ENTPD5: variants seen among roughly 807,000 people sequenced by gnomAD.
ENTPD5 encodes ectonucleoside triphosphate diphosphohydrolase 5 (inactive).
ENTPD5 carries 49 observed loss-of-function variants against 60.2 expected under a neutral mutation model. The observed-to-expected ratio is 0.81, with a 90% CI of 0.65 to 1.03. ENTPD5 has a LOEUF of 1.03. Ranked by LOEUF, ENTPD5 falls within the 50% of genes least tolerant of loss-of-function variation. ENTPD5 has a pLI of 0.00. For missense variants in ENTPD5, 480 were observed against 507.6 expected (o/e 0.95, Z 0.52); for synonymous variants, 187 against 185.4 (o/e 1.01, Z -0.07).
intron 6 of ENTPD5, 135 bp downstream of exon 6, chr14:73,982,883 G>A: frequency 2.4e-6 from 2 of 817,270 alleles, no homozygotes; most frequent in Non-Finnish European, 3.9e-6. Flanking sequence ...TATAACAAGT[G>A]GTCAGAGTCA....
At chr14:73,991,641 T>C (rs962082858) in intron 3 of ENTPD5, among the ~76,000 whole-genome samples, 8 of 139,456 alleles carry the variant, frequency 5.7e-5, no homozygotes, top group Non-Finnish European at 1.2e-4. Context: ...TAGGGCTTGA[T>C]GTGGGCGCTG....
At chr14:73,957,102 T>A (rs937874988), downstream of ENTPD5, among the ~76,000 whole-genome samples, 9 of 118,446 alleles carry the variant, frequency 7.6e-5, no homozygotes, top group African/African-American at 2.1e-4. Context: ...ATTATTATTA[T>A]TTTTTTTTTT....
chr14:73,957,202 A>G (rs1328805474), downstream of ENTPD5, among the ~76,000 whole-genome samples: 1 of 151,600 alleles, frequency 6.6e-6, no homozygotes, highest in Non-Finnish European at 1.5e-5. Flanking sequence ...GGTTCACACC[A>G]TTCTCCTGCC....
At chr14:73,983,672 A>C (rs2057783761) in intron 5 of ENTPD5, among the ~76,000 whole-genome samples, 1 of 141,842 alleles carries the variant, frequency 7.1e-6, no homozygotes, top group East Asian at 2.3e-4. Context: ...AGTCCTAATA[A>C]AAAATTATTA....
chr14:73,993,288 G>C (rs772519223), intron 3 of ENTPD5, among the ~76,000 whole-genome samples: 10 of 152,152 alleles, frequency 6.6e-5, no homozygotes, highest in Non-Finnish European at 1.5e-4. Context: ...AGTGAGCTGT[G>C]ACTGCACTAC....
downstream of ENTPD5, among the ~76,000 whole-genome samples, chr14:73,957,094 TA>T (rs1419486141): frequency 7.7e-6 from 1 of 129,430 alleles, no homozygotes; most frequent in African/African-American, 2.6e-5. Context: ...TTATTATTAT[TA>T]TTATTATTTT....
intron 3 of ENTPD5, among the ~76,000 whole-genome samples, chr14:73,989,984 G>T (rs948141512): frequency 3.9e-5 from 6 of 151,948 alleles, no homozygotes; most frequent in Non-Finnish European, 8.8e-5. Flanking sequence ...TCCAGCTTGG[G>T]CAACAGAGCA....
chr14:73,960,933 A>G (rs912467159), downstream of ENTPD5: 4 of 602,780 alleles, frequency 6.6e-6, no homozygotes, highest in Non-Finnish European at 8.9e-6. Flanking sequence ...GACTAGTGAA[A>G]GGTGAAGCTC....
downstream of ENTPD5, chr14:73,958,822 C>A: frequency 6.5e-7 from 1 of 1,533,306 alleles, no homozygotes; most frequent in Non-Finnish European, 8.8e-7. Flanking sequence ...AGGGGCTCCA[C>A]CTCTAGGGGC....
chr14:73,986,069 C>CAAAAAAAA (rs534512335), intron 5 of ENTPD5, among the ~76,000 whole-genome samples: 3 of 79,302 alleles, frequency 3.8e-5, no homozygotes, highest in Non-Finnish European at 5.4e-5. Flanking sequence ...GATACTCCGT[C>CAAAAAAAA]AAAAAAAAAA....
chr14:73,976,514 C>A, intron 8 of ENTPD5, 102 bp from the exon 9 acceptor site: 2 of 831,268 alleles, frequency 2.4e-6, no homozygotes, highest in East Asian at 2.5e-5. Context: ...CATACATACT[C>A]CACTGCTCCC....
chr14:73,958,008 CATTA>C, downstream of ENTPD5: 1 of 766,124 alleles, frequency 1.3e-6, no homozygotes, highest in South Asian at 1.4e-5. Context: ...CAGACCACAG[CATTA>C]ATTACTGATT....
At chr14:73,971,054 AG>A (rs1566710846) in intron 14 of ENTPD5, among the ~76,000 whole-genome samples, 1 of 152,058 alleles carries the variant, frequency 6.6e-6, no homozygotes, top group Non-Finnish European at 1.5e-5. Flanking sequence ...TTTGATGCTT[AG>A]TGTTTCATTA....
intron 15 of ENTPD5, among the ~76,000 whole-genome samples, chr14:73,967,996 T>C (rs556676148): frequency 6.9e-4 from 104 of 151,036 alleles, no homozygotes; most frequent in Non-Finnish European, 1.3e-3. Flanking sequence ...TGGTGGCGCA[T>C]GCCTGTAATC....
chr14:73,959,547 T>C, downstream of ENTPD5: 5 of 1,613,834 alleles, frequency 3.1e-6, no homozygotes, highest in Non-Finnish European at 3.4e-6. Flanking sequence ...ACCCAGCTGA[T>C]GATGTGCTGC....
chr14:73,986,019 C>T (rs921624096), intron 5 of ENTPD5, among the ~76,000 whole-genome samples: 1 of 150,260 alleles, frequency 6.7e-6, no homozygotes, highest in African/African-American at 2.5e-5. Context: ...TTGTAGTAAG[C>T]CGAGATCAGG....
chr14:74,004,093 A>G (rs1405013374), intron 3 of ENTPD5, among the ~76,000 whole-genome samples: 2 of 152,204 alleles, frequency 1.3e-5, no homozygotes, highest in African/African-American at 2.4e-5. Context: ...TGACAGAGCA[A>G]GACCCTGTCT....
At chr14:73,976,599 T>G (rs1218139619) in intron 8 of ENTPD5, among the ~76,000 whole-genome samples, 187 bp from the exon 9 acceptor site, 3 of 152,064 alleles carry the variant, frequency 2.0e-5, no homozygotes, top group Non-Finnish European at 4.4e-5. Flanking sequence ...GCAGGTGTTT[T>G]TTTTTTTTTT....
At chr14:73,958,312 T>C, downstream of ENTPD5, 1 of 1,613,208 alleles carries the variant, frequency 6.2e-7, no homozygotes, top group Non-Finnish European at 8.5e-7. Context: ...AGGGGTCTTG[T>C]ATATCTACAT....
Sources: allele counts gnomAD v4.1 joint callset (sites outside exome capture counted in the v4.1 genomes callset), GRCh38; gene constraint gnomAD v4.1.1; transcripts MANE v1.5; gene names NCBI Gene and HGNC (gene_info 2026-07-23, HGNC 2026-07-21).